Variants in LGSN observed in about 807,000 individuals in gnomAD.
LGSN encodes lengsin, lens protein with glutamine synthetase domain, also known as lengsin.
In LGSN, 21 loss-of-function variants were observed where a neutral mutation model predicts 19.5. The observed-to-expected ratio is 1.07, with a 90% CI of 0.76 to 1.55. The LOEUF (loss-of-function observed/expected upper bound fraction) is 1.55. Among genes scored for constraint, LGSN ranks in the 40% most tolerant of loss-of-function variants. LGSN has a pLI of 0.00. For synonymous variants in LGSN, 257 were observed against 215.6 expected (o/e 1.19, Z -1.68); for missense variants, 673 against 608.5 (o/e 1.11, Z -1.12).
the LGSN span, among the ~76,000 whole-genome samples, chr6:63,400,498 T>C: frequency 2.0e-5 from 3 of 152,216 alleles, no homozygotes; most frequent in Non-Finnish European, 4.4e-5. Context: ...TAAGATTAAA[T>C]ACAGTCAAGG....
chr6:63,346,650 G>A, the LGSN span, among the ~76,000 whole-genome samples: 6 of 152,234 alleles, frequency 3.9e-5, no homozygotes, highest in South Asian at 2.1e-4. Flanking sequence ...ATAGCCAGCC[G>A]GTCAGAAGTT....
chr6:63,307,436 T>C (rs1326341589), intron 1 of LGSN, among the ~76,000 whole-genome samples: 2 of 152,192 alleles, frequency 1.3e-5, no homozygotes, highest in African/African-American at 2.4e-5. Context: ...TGTAGCAAGG[T>C]CCTGGAGGGC....
chr6:63,563,343 C>G, the LGSN span, among the ~76,000 whole-genome samples: 1 of 152,190 alleles, frequency 6.6e-6, no homozygotes, highest in South Asian at 2.1e-4. Flanking sequence ...TTGCTGCAGT[C>G]CCTCAGGTCT....
intron 1 of LGSN, among the ~76,000 whole-genome samples, chr6:63,305,736 C>G (rs1357563463): frequency 1.3e-5 from 2 of 151,916 alleles, no homozygotes; most frequent in East Asian, 3.9e-4. Context: ...CTCAATCAAA[C>G]TCTGTTAAAT....
chr6:63,529,328 G>T, the LGSN span, among the ~76,000 whole-genome samples: 6 of 150,076 alleles, frequency 4.0e-5, no homozygotes, highest in East Asian at 1.2e-3. Flanking sequence ...ACATAAAATG[G>T]TCTTATTGCA....
At chr6:63,532,631 G>A in the LGSN span, among the ~76,000 whole-genome samples, 1 of 152,120 alleles carries the variant, frequency 6.6e-6, no homozygotes, top group African/African-American at 2.4e-5. Flanking sequence ...CTATGCCACT[G>A]TACAGCTTTC....
At chr6:63,501,441 A>G in the LGSN span, among the ~76,000 whole-genome samples, 1 of 152,210 alleles carries the variant, frequency 6.6e-6, no homozygotes, top group East Asian at 1.9e-4. Context: ...GAAGTGATGC[A>G]TAGAGCTATG....
chr6:63,346,370 A>T, the LGSN span, among the ~76,000 whole-genome samples: 1 of 151,962 alleles, frequency 6.6e-6, no homozygotes, highest in Non-Finnish European at 1.5e-5. Context: ...TTCTTGAAAA[A>T]GCTTCCGTAA....
the LGSN span, among the ~76,000 whole-genome samples, chr6:63,420,307 G>C: frequency 6.6e-6 from 1 of 152,118 alleles, no homozygotes; most frequent in Non-Finnish European, 1.5e-5. Flanking sequence ...CTTTTGTTTG[G>C]CAGTGAGACA....
the LGSN span, among the ~76,000 whole-genome samples, chr6:63,419,880 CAAAAAAAAAAAAAAAAAAA>C: frequency 0.016 from 900 of 57,124 alleles, 27 homozygotes; most frequent in African/African-American, 0.052. Flanking sequence ...AACTCCCTCC[CAAAAAAAAAAAAAAAAAAA>C]AAAAAAAAAA....
the LGSN span, among the ~76,000 whole-genome samples, chr6:63,451,761 T>C: frequency 7.3e-5 from 11 of 150,360 alleles, no homozygotes; most frequent in Non-Finnish European, 1.6e-4. Context: ...AAAAATTAAT[T>C]AAAAAAAAAG....
chr6:63,354,290 CA>C, the LGSN span, among the ~76,000 whole-genome samples: 5 of 150,918 alleles, frequency 3.3e-5, no homozygotes, highest in South Asian at 2.1e-4. Context: ...ACTCAAACAG[CA>C]AAAAAAATAA....
chr6:63,465,344 C>A, the LGSN span, among the ~76,000 whole-genome samples: 1 of 151,998 alleles, frequency 6.6e-6, no homozygotes, highest in Non-Finnish European at 1.5e-5. Flanking sequence ...CCACACCCAG[C>A]TAAATCTTTG....
chr6:63,362,462 C>T, the LGSN span, among the ~76,000 whole-genome samples: 3 of 152,234 alleles, frequency 2.0e-5, no homozygotes, highest in South Asian at 2.1e-4. Flanking sequence ...GAAGCCATGA[C>T]AGATGGTACC....
chr6:63,513,348 G>C, the LGSN span, among the ~76,000 whole-genome samples: 1 of 152,146 alleles, frequency 6.6e-6, no homozygotes, highest in South Asian at 2.1e-4. Context: ...AAGCAAAGGA[G>C]TCTAGGAAGG....
At chr6:63,345,408 G>A in the LGSN span, among the ~76,000 whole-genome samples, 2 of 152,132 alleles carry the variant, frequency 1.3e-5, no homozygotes, top group East Asian at 1.9e-4. Flanking sequence ...AAACTAACTA[G>A]AATTTTATTT....
At chr6:63,340,590 C>A in the LGSN span, among the ~76,000 whole-genome samples, 2 of 140,292 alleles carry the variant, frequency 1.4e-5, no homozygotes, top group African/African-American at 2.7e-5. Context: ...TCATTGAATT[C>A]TTCATTTCCA....
the LGSN span, among the ~76,000 whole-genome samples, chr6:63,423,473 CAAAAAAA>C: frequency 2.4e-5 from 3 of 126,740 alleles, no homozygotes; most frequent in African/African-American, 8.6e-5. Flanking sequence ...CTGTCTCTAC[CAAAAAAA>C]AAAAAAAAAT....
the LGSN span, among the ~76,000 whole-genome samples, chr6:63,436,880 A>T: frequency 8.9e-6 from 1 of 112,502 alleles, no homozygotes; most frequent in Non-Finnish European, 2.1e-5. Context: ...TACCAAAAAT[A>T]CAAAAAAATA....
Sources: gnomAD v4.1 joint callset for allele counts (sites outside exome capture counted in the v4.1 genomes callset) on GRCh38, gnomAD v4.1.1 for gene constraint, MANE v1.5 for transcripts, NCBI Gene and HGNC (gene_info 2026-07-23, HGNC 2026-07-21) for gene names.